ABCC1: variants seen among roughly 807,000 people sequenced by gnomAD.
ABCC1 encodes the protein multidrug resistance-associated protein 1.
ABCC1 carries 83 observed loss-of-function variants against 172.9 expected under a neutral mutation model. The observed-to-expected ratio is 0.48, with a 90% CI of 0.40 to 0.58. The LOEUF (loss-of-function observed/expected upper bound fraction) is 0.58, where lower values mean the gene tolerates loss of function less well. Ranked by LOEUF, ABCC1 falls within the 20% of genes least tolerant of loss-of-function variation. ABCC1 has a pLI of 0.00. For missense variants in ABCC1, 1,817 were observed against 2,002.7 expected (o/e 0.91, Z 1.77); for synonymous variants, 937 against 825.2 (o/e 1.14, Z -2.32).
At chr16:16,090,868 A>G (rs1333551977) in intron 19 of ABCC1, among the ~76,000 whole-genome samples, 1 of 152,142 alleles carries the variant, frequency 6.6e-6, no homozygotes, top group African/African-American at 2.4e-5. Context: ...TTCCTGGAAC[A>G]TGACCTTGGA....
chr16:16,041,705 G>T (rs1304535665), intron 7 of ABCC1, among the ~76,000 whole-genome samples: 2 of 152,170 alleles, frequency 1.3e-5, no homozygotes, highest in African/African-American at 4.8e-5. Flanking sequence ...GGGTATCCTA[G>T]GCTCGGGGAT....
intron 10 of ABCC1, among the ~76,000 whole-genome samples, chr16:16,048,837 G>A (rs1436396114): frequency 6.6e-6 from 1 of 152,132 alleles, no homozygotes; most frequent in Non-Finnish European, 1.5e-5. Flanking sequence ...TACAAAATGA[G>A]CTGGGCGTGG....
At chr16:16,125,043 C>G (rs978123093) in intron 25 of ABCC1, 128 bp downstream of exon 25, 5 of 1,375,736 alleles carry the variant, frequency 3.6e-6, no homozygotes, top group Non-Finnish European at 5.0e-6. Flanking sequence ...GTTTGAGGAG[C>G]AGGTACAGTG....
At chr16:16,140,482 G>A (rs1167694680) in intron 30 of ABCC1, among the ~76,000 whole-genome samples, 1 of 152,208 alleles carries the variant, frequency 6.6e-6, no homozygotes, top group Non-Finnish European at 1.5e-5. Flanking sequence ...TTATAGGCGT[G>A]AGTCTCTGCA....
At chr16:16,084,615 C>G (rs1405846716) in intron 17 of ABCC1, among the ~76,000 whole-genome samples, 23 of 143,704 alleles carry the variant, frequency 1.6e-4, no homozygotes, top group African/African-American at 6.1e-4. Context: ...CGGCTGGCCT[C>G]AGCCTCTCAA....
At chr16:16,034,580 C>CTTTTTTTTT in intron 6 of ABCC1, among the ~76,000 whole-genome samples, 1 of 84,686 alleles carries the variant, frequency 1.2e-5, no homozygotes, top group Non-Finnish European at 2.2e-5. Context: ...TGTATGTTAA[C>CTTTTTTTTT]TTTTTTTTTT....
rs751137467 is a variant in ABCC1, at chr16:15,979,288, T to TCAAACAAA, written c.49-28511_49-28504dup. Reference sequence around the variant, plus strand: ...CCTGGAGACAGAGCAAGACTCTGTCTCAAACAAACAAACAAACAAACAAAA... The same window carrying TCAAACAAA: ...CCTGGAGACAGAGCAAGACTCTGTCTCAAACAAACAAACAAACAAACAAACAAACAAAA... On this transcript the variant is annotated intron_variant, in intron 1 of 30. Coordinates refer to ENST00000399410, the MANE Select transcript of ABCC1 (RefSeq NM_004996.4). Among the ~76,000 whole-genome samples, 14 of 151,944 alleles carry TCAAACAAA rather than the reference T, an allele frequency of 9.2e-5. No individual in the cohort carries two copies. In the East Asian group the frequency reaches 1.9e-3, roughly 21 times the overall value.
At chr16:16,117,545 C>T (rs2044946168) in intron 23 of ABCC1, among the ~76,000 whole-genome samples, 1 of 152,174 alleles carries the variant, frequency 6.6e-6, no homozygotes, top group Non-Finnish European at 1.5e-5. Flanking sequence ...CATGGGACCA[C>T]CTCTATTCAC....
rs1045841191 is a variant in ABCC1, at chr16:16,044,789, T to C, written c.1040+109T>C. 1.1e-4 allele frequency: 104 copies of C among 939,324 alleles called. 1 individual carries two copies. Among genetic ancestry groups the C allele is most frequent in the Non-Finnish European group, 1.6e-4 (97 of 612,452 alleles). 58.2% of individuals were successfully genotyped at this position (939,324 alleles called of 1,614,324 possible). On this transcript the variant is annotated intron_variant, in intron 8 of 30. Coordinates refer to ENST00000399410, the MANE Select transcript of ABCC1 (RefSeq NM_004996.4). ...CATGCTGTGTCCTGAAGTGGGCTCA[T>C]AGCCAGATGTCTCCATTTTTACTTT...
chr16:16,123,614 C>T (rs1480117008), intron 24 of ABCC1, among the ~76,000 whole-genome samples: 1 of 151,000 alleles, frequency 6.6e-6, no homozygotes, highest in Non-Finnish European at 1.5e-5. Flanking sequence ...GCAACGAGAG[C>T]GAAACTCTAT....
intron 22 of ABCC1, among the ~76,000 whole-genome samples, chr16:16,114,122 C>T (rs1332947517): frequency 6.6e-6 from 1 of 152,180 alleles, no homozygotes; most frequent in Non-Finnish European, 1.5e-5. Context: ...AGCAGGCTGT[C>T]TGGATTAAAA....
rs966713206 is a variant in ABCC1, at chr16:15,954,581, C to T, written c.48+4782C>T. On this transcript the variant is annotated intron_variant, in intron 1 of 30. Transcript: ENST00000399410. ...AGGAGTGGACTCAGGGGTTCCTGGT[C>T]CAAATGGGTTCGTGATTCAGGCCAA... 2.0e-5 allele frequency among the ~76,000 whole-genome samples: 3 copies of T among 152,082 alleles called. No homozygotes were observed. The East Asian group carries it at 5.8e-4, about 29-fold the overall frequency.
intron 1 of ABCC1, among the ~76,000 whole-genome samples, chr16:15,960,355 C>G (rs1023466490): frequency 2.6e-5 from 4 of 152,070 alleles, no homozygotes; most frequent in African/African-American, 9.7e-5. Context: ...CAGGTGTGAG[C>G]CACCACGCCC....
chr16:16,085,670 C>G (rs1157547901), intron 17 of ABCC1, among the ~76,000 whole-genome samples: 1 of 152,148 alleles, frequency 6.6e-6, no homozygotes, highest in African/African-American at 2.4e-5. Context: ...GTCCCAGCCA[C>G]TTAGGGGGCT....
At chr16:16,111,277 G>T (rs2052375291) in intron 21 of ABCC1, 98 bp from the exon 22 acceptor site, 2 of 943,622 alleles carry the variant, frequency 2.1e-6, no homozygotes, top group African/African-American at 3.3e-5. Flanking sequence ...GCAGGCAGCT[G>T]GGTGGCACAG....
intron 19 of ABCC1, among the ~76,000 whole-genome samples, chr16:16,093,979 C>T (rs1393971188): frequency 9.4e-6 from 1 of 106,614 alleles, no homozygotes; most frequent in Non-Finnish European, 1.8e-5. Context: ...TCCCTCTCTC[C>T]TTTTTTTTTT....
At chr16:16,139,667 AAC>A (rs2046060375) in intron 30 of ABCC1, among the ~76,000 whole-genome samples, 1 of 151,386 alleles carries the variant, frequency 6.6e-6, no homozygotes, top group Non-Finnish European at 1.5e-5. Context: ...TATTTATACT[AAC>A]ACAGTCATAA....
At position 16,122,057 on chromosome 16, in the gene ABCC1, C is replaced by T. The variant is rs1444600500; in HGVS notation, c.3473C>T (p.Thr1158Ile). Residue 1158 changes from threonine (T) to isoleucine (I), a missense_variant, in exon 24 of 31, where the codon ACC (threonine) becomes ATC (isoleucine). Transcript: ENST00000399410. Reference protein sequence around the residue: ...RSPVYSHFNETLLGVSVIRAF... With the variant: ...RSPVYSHFNEILLGVSVIRAF... Reference sequence around the variant, plus strand: ...CCGGTCTATTCCCATTTCAACGAGACCTTGCTGGGGGTCAGCGTCATTCGA... The same window carrying T: ...CCGGTCTATTCCCATTTCAACGAGATCTTGCTGGGGGTCAGCGTCATTCGA... 5 of 1,614,098 alleles carry T rather than the reference C, an allele frequency of 3.1e-6. No individual in the cohort carries two copies. In the Admixed American group the frequency reaches 8.3e-5, roughly 27 times the overall value.
At chr16:15,955,113 C>T (rs1317644148) in intron 1 of ABCC1, among the ~76,000 whole-genome samples, 4 of 152,166 alleles carry the variant, frequency 2.6e-5, no homozygotes, top group South Asian at 2.1e-4. Flanking sequence ...CCTGGCACTT[C>T]GGGAGGCCAA....
Sources: allele counts gnomAD v4.1 joint callset (sites outside exome capture counted in the v4.1 genomes callset), GRCh38; gene constraint gnomAD v4.1.1; transcripts MANE v1.5; gene names NCBI Gene and HGNC (gene_info 2026-07-23, HGNC 2026-07-21).